Variants in GPM6A observed in about 807,000 individuals in gnomAD.
GPM6A encodes neuronal membrane glycoprotein M6-a.
In GPM6A, 7 loss-of-function variants were observed where a neutral mutation model predicts 32.1. The ratio of observed to expected loss-of-function variants is 0.22; its 90% CI spans 0.12 to 0.41. The LOEUF is 0.41. Ranked by LOEUF, GPM6A falls within the 10% of genes least tolerant of loss-of-function variation. The pLI is 1.00. For missense variants in GPM6A, 235 were observed against 347.2 expected (o/e 0.68, Z 2.57); for synonymous variants, 130 against 123.4 (o/e 1.05, Z -0.35).
At chr4:175,897,219 C>A (rs1167325460) in intron 1 of GPM6A, among the ~76,000 whole-genome samples, 1 of 152,050 alleles carries the variant, frequency 6.6e-6, no homozygotes, top group Non-Finnish European at 1.5e-5. Context: ...AGGGTCAGTG[C>A]AAGTGGCTGA....
At chr4:175,691,335 A>T (rs2111036893) in intron 2 of GPM6A, among the ~76,000 whole-genome samples, 1 of 152,306 alleles carries the variant, frequency 6.6e-6, no homozygotes, top group South Asian at 2.1e-4. Context: ...GGATTAATTC[A>T]CTTACTTTAC....
At chr4:175,638,940 G>T (rs10520301) in intron 6 of GPM6A, among the ~76,000 whole-genome samples, 46,918 of 151,890 alleles carry the variant, frequency 0.31, 7,797 homozygotes, top group East Asian at 0.45. Context: ...ATTTTAGGTT[G>T]AGAATATAAG....
intron 1 of GPM6A, among the ~76,000 whole-genome samples, chr4:175,952,398 A>G (rs960572973): frequency 6.6e-6 from 1 of 152,212 alleles, no homozygotes; most frequent in Middle Eastern, 3.2e-3. Context: ...TTGTAGCTTA[A>G]GGTAGTGATC....
chr4:175,701,186 C>A (rs556673386), intron 2 of GPM6A, among the ~76,000 whole-genome samples: 82 of 152,180 alleles, frequency 5.4e-4, no homozygotes, highest in Middle Eastern at 3.4e-3. Context: ...AAGGTGGGAG[C>A]ACCCATGGAG....
In GPM6A at chr4:175,905,800, G is replaced by A. The variant is rs193217314; in HGVS notation, c.-22-93551C>T. On this transcript the variant is annotated intron_variant, in intron 1 of 7. Coordinates refer to the GPM6A transcript ENST00000280187. ...AGAATGCTAATTTTGGAAAACCGCC[G>A]ATGTTCATGCTTTCCTTTAATTGTG... Among the ~76,000 whole-genome samples the A allele has an allele frequency of 9.6e-4, 146 of 152,164 alleles. 1 individual carries two copies. Among genetic ancestry groups the A allele is most frequent in the African/African-American group, 3.1e-3 (129 of 41,534 alleles).
chr4:175,721,032 C>CATATATATTATATAT (rs1553981491), intron 1 of GPM6A, among the ~76,000 whole-genome samples: 3 of 118,432 alleles, frequency 2.5e-5, no homozygotes, highest in African/African-American at 9.5e-5. Context: ...TATACTAGTA[C>CATATATATTATATAT]ATATATATTA....
At chr4:175,928,591 G>A (rs2111539373) in intron 1 of GPM6A, among the ~76,000 whole-genome samples, 2 of 152,322 alleles carry the variant, frequency 1.3e-5, no homozygotes, top group Admixed American at 1.3e-4. Context: ...AGTCATTTCA[G>A]AAAGAAAATA....
intron 1 of GPM6A, among the ~76,000 whole-genome samples, chr4:175,825,257 T>G (rs1735398114): frequency 6.6e-6 from 1 of 152,206 alleles, no homozygotes; most frequent in Non-Finnish European, 1.5e-5. Context: ...TGCAGTAATC[T>G]TAACAGCAAA....
intron 1 of GPM6A, among the ~76,000 whole-genome samples, chr4:175,977,759 C>T (rs966430977): frequency 2.6e-5 from 4 of 152,142 alleles, no homozygotes; most frequent in Admixed American, 6.5e-5. Flanking sequence ...TCAATGTCTA[C>T]GTGATGCAGT....
chr4:175,930,442 G>GGGT (rs1560998970), intron 1 of GPM6A, among the ~76,000 whole-genome samples: 2 of 95,348 alleles, frequency 2.1e-5, no homozygotes, highest in African/African-American at 6.2e-5. Context: ...GGGTTTTTTT[G>GGGT]TTGTTGTTTT....
At chr4:175,756,397 G>A (rs1008345968) in intron 1 of GPM6A, among the ~76,000 whole-genome samples, 2 of 152,094 alleles carry the variant, frequency 1.3e-5, no homozygotes, top group Admixed American at 6.6e-5. Context: ...TAGCAATGGC[G>A]AGGCAGAATA....
At chr4:175,695,430 G>A (rs1034292913) in intron 2 of GPM6A, among the ~76,000 whole-genome samples, 1 of 152,184 alleles carries the variant, frequency 6.6e-6, no homozygotes, top group African/African-American at 2.4e-5. Flanking sequence ...GCCTGGGGGG[G>A]CCCAACCTTT....
intron 1 of GPM6A, among the ~76,000 whole-genome samples, chr4:175,935,278 T>A (rs1332129623): frequency 5.9e-5 from 9 of 152,184 alleles, no homozygotes; most frequent in African/African-American, 2.2e-4. Flanking sequence ...AACTCTTAGG[T>A]GGCAGGTCCC....
chr4:175,885,719 C>T (rs1377229790), intron 1 of GPM6A, among the ~76,000 whole-genome samples: 1 of 152,202 alleles, frequency 6.6e-6, no homozygotes, highest in African/African-American at 2.4e-5. Flanking sequence ...AAGACATTTG[C>T]ATCACCATGT....
rs544187500 is a variant in GPM6A at position 175,960,673 on chromosome 4, T to G, written c.-23+41636A>C. The G allele has an allele frequency of 3.9e-5, 6 of 152,344 alleles. No homozygotes were observed. The East Asian group carries it at 9.6e-4, about 24-fold the overall frequency. 9.4% of individuals were successfully genotyped at this position (152,344 alleles called of 1,614,324 possible). A position where few individuals can be genotyped will look rare whatever the true frequency, so the allele number is the denominator to read the frequency against. On this transcript the variant is annotated intron_variant, in intron 1 of 7. Coordinates refer to the GPM6A transcript ENST00000280187. ...AAATCTGTTTTAAGACCAATACTGA[T>G]AGTCACATTTTAAGCTATCATAATA...
intron 1 of GPM6A, chr4:175,907,035 C>T (rs1021139700): frequency 3.9e-5 from 6 of 152,108 alleles, no homozygotes; most frequent in African/African-American, 1.4e-4. Flanking sequence ...CTCATAAGTA[C>T]AACTTACCTC....
chr4:175,752,784 A>G (rs1486690316), intron 1 of GPM6A, among the ~76,000 whole-genome samples: 2 of 152,154 alleles, frequency 1.3e-5, no homozygotes, highest in Non-Finnish European at 2.9e-5. Context: ...TGGTTATGCC[A>G]TCTTCCTCTC....
At chr4:175,951,057 A>G (rs1210813375) in intron 1 of GPM6A, among the ~76,000 whole-genome samples, 2 of 152,150 alleles carry the variant, frequency 1.3e-5, no homozygotes, top group Non-Finnish European at 2.9e-5. Flanking sequence ...ACCCATTCCA[A>G]GTGACCACTG....
intron 2 of GPM6A, among the ~76,000 whole-genome samples, chr4:175,675,915 G>A (rs1490917324): frequency 1.3e-5 from 2 of 151,956 alleles, no homozygotes; most frequent in African/African-American, 4.8e-5. Flanking sequence ...GATATGGTTT[G>A]GCTGTGTCCC....
Sources: gnomAD v4.1 joint callset for allele counts (sites outside exome capture counted in the v4.1 genomes callset) on GRCh38, gnomAD v4.1.1 for gene constraint, MANE v1.5 for transcripts, NCBI Gene and HGNC (gene_info 2026-07-23, HGNC 2026-07-21) for gene names.